Variants in IARS1 observed in about 807,000 individuals in gnomAD.
IARS1 encodes the protein isoleucyl-tRNA synthetase 1, also known as isoleucine--tRNA ligase, cytoplasmic.
In IARS1, 124 loss-of-function variants were observed where a neutral mutation model predicts 168.2. The observed-to-expected ratio is 0.74, with a 90% CI of 0.64 to 0.86. IARS1 has a LOEUF of 0.86. Ranked by LOEUF, IARS1 falls within the 40% of genes least tolerant of loss-of-function variation. The pLI is 0.00. For synonymous variants in IARS1, 532 were observed against 529.4 expected, an observed-to-expected ratio of 1.00 and a Z score of -0.07; for missense variants, 1,452 against 1,515.8, an observed-to-expected ratio of 0.96 and a Z score of 0.70.
At chr9:92,282,670 T>A in intron 6 of IARS1, among the ~76,000 whole-genome samples, 1 of 151,832 alleles carries the variant, frequency 6.6e-6, no homozygotes, top group Non-Finnish European at 1.5e-5. Flanking sequence ...CTCAGGAGGG[T>A]GAGGCTGGAG....
chr9:92,249,236 G>A (rs563038810), intron 25 of IARS1, among the ~76,000 whole-genome samples: 5 of 152,284 alleles, frequency 3.3e-5, no homozygotes, highest in African/African-American at 1.2e-4. Context: ...GAGGAACAAA[G>A]TTTCTTTGGT....
intron 31 of IARS1, among the ~76,000 whole-genome samples, chr9:92,224,437 A>T (rs1484894503): frequency 1.3e-5 from 2 of 152,210 alleles, no homozygotes; most frequent in Non-Finnish European, 2.9e-5. Context: ...CTAAACGAGA[A>T]CAGCCAGGGA....
At chr9:92,230,569 A>C (rs184179689) in intron 30 of IARS1, among the ~76,000 whole-genome samples, 33 of 152,296 alleles carry the variant, frequency 2.2e-4, no homozygotes, top group Non-Finnish European at 2.8e-4. Flanking sequence ...TGCTATTATG[A>C]ATATAAGTAC....
At chr9:92,271,762 T>G (rs1307505366) in intron 10 of IARS1, 107 bp from the exon 11 acceptor site, 2 of 1,237,924 alleles carry the variant, frequency 1.6e-6, no homozygotes, top group East Asian at 4.8e-5. Context: ...CATATACATT[T>G]CATCAACTTT....
At chr9:92,222,823 C>T in intron 32 of IARS1, 151 bp from the exon 33 acceptor site, 2 of 601,478 alleles carry the variant, frequency 3.3e-6, no homozygotes, top group Non-Finnish European at 2.8e-6. Context: ...GCAGTCCATG[C>T]AGAAACAGCT....
intron 14 of IARS1, among the ~76,000 whole-genome samples, chr9:92,266,547 C>T (rs952336802): frequency 6.6e-6 from 1 of 152,204 alleles, no homozygotes; most frequent in African/African-American, 2.4e-5. Context: ...TTGTCCCCAG[C>T]AAATCTCAAG....
intron 30 of IARS1, among the ~76,000 whole-genome samples, chr9:92,231,558 C>T (rs1826697894): frequency 6.6e-6 from 1 of 150,526 alleles, no homozygotes. Flanking sequence ...GGATTACAGA[C>T]ATGTGCCACC....
intron 9 of IARS1, among the ~76,000 whole-genome samples, chr9:92,277,271 T>C (rs1472643817): frequency 6.6e-6 from 1 of 152,098 alleles, no homozygotes; most frequent in Admixed American, 6.6e-5. Context: ...ACCCCATCTC[T>C]ACTAAAAAGT....
At chr9:92,274,600 G>C (rs1833541662) in intron 9 of IARS1, 79 bp from the exon 10 acceptor site, 1 of 991,220 alleles carries the variant, frequency 1.0e-6, no homozygotes, top group Admixed American at 1.9e-5. Flanking sequence ...TTTTTCCTAA[G>C]AACCTGAAAA....
chr9:92,239,576 G>A (rs1254909609), intron 30 of IARS1, among the ~76,000 whole-genome samples: 1 of 151,728 alleles, frequency 6.6e-6, no homozygotes, highest in Non-Finnish European at 1.5e-5. Context: ...CACTACAGAG[G>A]AGTTGCTCGT....
chr9:92,243,359 A>C, intron 27 of IARS1, 48 bp from the exon 28 acceptor site: 1 of 1,282,650 alleles, frequency 7.8e-7, no homozygotes. Flanking sequence ...AAGGAGAAAC[A>C]CTTCTTCCCA....
chr9:92,218,998 A>G (rs970074638), intron 33 of IARS1, among the ~76,000 whole-genome samples: 1 of 152,202 alleles, frequency 6.6e-6, no homozygotes, highest in African/African-American at 2.4e-5. Flanking sequence ...GGCTGGAGGC[A>G]TCACACTACC....
rs1829909821 is a variant in IARS1 at position 92,250,814 on chromosome 9, G to A, written c.2328C>T (p.Leu776=). ...TTAGATTCTGGTACATCAATTCAGT[G>A]AGAAAAGGTGTGTAGGGAGCCTGTA... ...CRLMAPYTPF[L]TELMYQNLKV... is the part of the protein sequence containing the mutation. Residue 776 remains leucine, a synonymous_variant, in exon 23 of 34, where the codon CTC becomes CTT. Transcript: ENST00000443024. The A allele has an allele frequency of 6.2e-7, 1 of 1,611,166 alleles. No homozygotes were observed. The highest frequency in any genetic ancestry group is 1.7e-5 in the Admixed American group (1 of 59,552).
At chr9:92,260,515 C>T (rs897055043) in intron 17 of IARS1, among the ~76,000 whole-genome samples, 4 of 152,066 alleles carry the variant, frequency 2.6e-5, no homozygotes, top group Non-Finnish European at 4.4e-5. Flanking sequence ...ATTAGCTGGG[C>T]GTGGGGGCGC....
chr9:92,254,978 T>G (rs1057497446), intron 20 of IARS1, among the ~76,000 whole-genome samples: 9 of 152,080 alleles, frequency 5.9e-5, no homozygotes, highest in African/African-American at 2.2e-4. Context: ...GCCCAAATAT[T>G]GAAGGGGGTC....
chr9:92,241,922 C>T (rs1212482042), intron 29 of IARS1, among the ~76,000 whole-genome samples: 1 of 152,184 alleles, frequency 6.6e-6, no homozygotes, highest in East Asian at 1.9e-4. Context: ...CATGTACCCT[C>T]CTGGCTACCT....
intron 33 of IARS1, among the ~76,000 whole-genome samples, chr9:92,215,328 A>G (rs1302619970): frequency 6.6e-6 from 1 of 152,208 alleles, no homozygotes; most frequent in Non-Finnish European, 1.5e-5. Context: ...GGGAAAAAAC[A>G]GAACAGAAAA....
chr9:92,223,552 A>G (rs1047507393), intron 31 of IARS1, 63 bp from the exon 32 acceptor site: 3 of 1,332,174 alleles, frequency 2.3e-6, no homozygotes, highest in Non-Finnish European at 3.1e-6. Flanking sequence ...AAGTCATTCA[A>G]TTTTTCCTAT....
chr9:92,271,804 T>C, intron 10 of IARS1, 149 bp from the exon 11 acceptor site: 1 of 848,424 alleles, frequency 1.2e-6, no homozygotes, highest in Non-Finnish European at 1.8e-6. Flanking sequence ...TCAAGACCAT[T>C]CGGAGAATCA....
Sources: gnomAD v4.1 joint callset for allele counts (sites outside exome capture counted in the v4.1 genomes callset) on GRCh38, gnomAD v4.1.1 for gene constraint, MANE v1.5 for transcripts, NCBI Gene and HGNC (gene_info 2026-07-23, HGNC 2026-07-21) for gene names.